SGCZ: variants seen among roughly 807,000 people sequenced by gnomAD.
SGCZ encodes sarcoglycan zeta.
SGCZ carries 40 observed loss-of-function variants against 41.3 expected under a neutral mutation model. The ratio of observed to expected loss-of-function variants is 0.97; its 90% CI spans 0.75 to 1.26. The LOEUF (loss-of-function observed/expected upper bound fraction) is 1.26, where lower values mean the gene tolerates loss of function less well. Ranked by LOEUF, SGCZ falls within the 50% of genes most tolerant of loss-of-function variation. The pLI is 0.00. For synonymous variants in SGCZ, 206 were observed against 137.5 expected (o/e 1.50, Z -3.49); for missense variants, 552 against 369.8 (o/e 1.49, Z -4.04).
chr8:14,419,285 G>C (rs542774148), intron 2 of SGCZ, among the ~76,000 whole-genome samples: 1 of 152,028 alleles, frequency 6.6e-6, no homozygotes, highest in Admixed American at 6.6e-5. Context: ...TGTCCTAACA[G>C]CTAGATAATG....
At chr8:15,078,779 C>T (rs1259767697) in intron 1 of SGCZ, among the ~76,000 whole-genome samples, 2 of 151,900 alleles carry the variant, frequency 1.3e-5, no homozygotes, top group Non-Finnish European at 2.9e-5. Context: ...TGGTCTTTGA[C>T]TTATCTGGAT....
intron 3 of SGCZ, among the ~76,000 whole-genome samples, chr8:14,253,510 C>A (rs965008623): frequency 6.6e-6 from 1 of 151,992 alleles, no homozygotes; most frequent in Non-Finnish European, 1.5e-5. Context: ...ATTCTTTTCT[C>A]TTTTTTGACT....
At chr8:15,015,063 G>A (rs995928376) in intron 1 of SGCZ, among the ~76,000 whole-genome samples, 4 of 151,976 alleles carry the variant, frequency 2.6e-5, no homozygotes, top group East Asian at 2.0e-4. Context: ...CAAACATGGC[G>A]AAACTCCATC....
At chr8:14,415,840 C>T (rs1298869618) in intron 2 of SGCZ, among the ~76,000 whole-genome samples, 2 of 151,920 alleles carry the variant, frequency 1.3e-5, no homozygotes, top group Non-Finnish European at 2.9e-5. Context: ...GCATTGAATA[C>T]ACATAACTTG....
intron 1 of SGCZ, among the ~76,000 whole-genome samples, chr8:14,966,483 G>T (rs1447439001): frequency 6.6e-6 from 1 of 151,920 alleles, no homozygotes; most frequent in East Asian, 1.9e-4. Context: ...AGAGGATTTT[G>T]TGTATTCAAA....
At chr8:15,111,843 T>A (rs1425717928) in intron 1 of SGCZ, among the ~76,000 whole-genome samples, 1 of 150,304 alleles carries the variant, frequency 6.7e-6, no homozygotes, top group Non-Finnish European at 1.5e-5. Context: ...GAGGTAGCAG[T>A]GAGCCGAGAT....
chr8:14,216,883 G>C (rs1348702249), intron 4 of SGCZ, among the ~76,000 whole-genome samples: 1 of 152,162 alleles, frequency 6.6e-6, no homozygotes, highest in Non-Finnish European at 1.5e-5. Context: ...GCAAGGAAAA[G>C]TCTGGGGGTA....
At chr8:14,347,623 TAA>T (rs71722345) in intron 2 of SGCZ, among the ~76,000 whole-genome samples, 19,116 of 149,008 alleles carry the variant, frequency 0.13, 1,725 homozygotes, top group East Asian at 0.27. Context: ...ATTATAATTA[TAA>T]AAAAAAATAC....
intron 2 of SGCZ, among the ~76,000 whole-genome samples, chr8:14,381,991 T>G (rs1804384246): frequency 6.6e-6 from 1 of 152,178 alleles, no homozygotes; most frequent in Admixed American, 6.5e-5. Context: ...ATTTGTTCCA[T>G]GTTTAGCTTT....
intron 2 of SGCZ, among the ~76,000 whole-genome samples, chr8:14,429,763 A>T (rs898831): frequency 6.6e-6 from 1 of 151,464 alleles, no homozygotes; most frequent in Non-Finnish European, 1.5e-5. Context: ...GCATATTTAC[A>T]TTTGTAAACA....
chr8:14,595,987 A>G (rs1362734305), intron 1 of SGCZ, among the ~76,000 whole-genome samples: 2 of 152,228 alleles, frequency 1.3e-5, no homozygotes, highest in Non-Finnish European at 2.9e-5. Flanking sequence ...AAGACACTAC[A>G]GAAACAGGCA....
chr8:14,109,781 G>A (rs145602955), intron 5 of SGCZ, among the ~76,000 whole-genome samples: 90 of 152,224 alleles, frequency 5.9e-4, no homozygotes, highest in South Asian at 1.2e-3. Flanking sequence ...AATAGAACAG[G>A]AAGAGATTTT....
At chr8:14,237,899 C>T (rs1446961482) in intron 3 of SGCZ, among the ~76,000 whole-genome samples, 4 of 152,190 alleles carry the variant, frequency 2.6e-5, no homozygotes, top group Non-Finnish European at 1.5e-5. Context: ...TGGGTACTAA[C>T]TATCAGATGC....
intron 1 of SGCZ, among the ~76,000 whole-genome samples, chr8:14,839,501 T>C (rs1585307945): frequency 6.6e-6 from 1 of 152,200 alleles, no homozygotes; most frequent in African/African-American, 2.4e-5. Flanking sequence ...GAGTTATTAT[T>C]GTTTTTATGT....
At chr8:14,762,334 C>T (rs1430438895) in intron 1 of SGCZ, among the ~76,000 whole-genome samples, 1 of 151,836 alleles carries the variant, frequency 6.6e-6, no homozygotes, top group Non-Finnish European at 1.5e-5. Flanking sequence ...ACAGAAAGGA[C>T]ATAGGATCAC....
chr8:15,231,490 G>C (rs899441338), intron 1 of SGCZ, among the ~76,000 whole-genome samples: 6 of 151,810 alleles, frequency 4.0e-5, no homozygotes, highest in South Asian at 4.2e-4. Context: ...TCATTCTGTG[G>C]TTAGCATAGA....
intron 2 of SGCZ, among the ~76,000 whole-genome samples, chr8:14,400,723 T>C (rs1196099207): frequency 6.6e-6 from 1 of 151,866 alleles, no homozygotes; most frequent in Non-Finnish European, 1.5e-5. Flanking sequence ...AGTCTGTGTT[T>C]TTAAAAGTGC....
intron 1 of SGCZ, among the ~76,000 whole-genome samples, chr8:14,592,004 C>T (rs561108889): frequency 2.0e-5 from 3 of 152,174 alleles, no homozygotes; most frequent in African/African-American, 7.2e-5. Flanking sequence ...CAATTGTCTA[C>T]AAAGGAGCAA....
intron 1 of SGCZ, among the ~76,000 whole-genome samples, chr8:14,662,694 G>T (rs1345345570): frequency 1.3e-5 from 2 of 152,156 alleles, no homozygotes; most frequent in African/African-American, 4.8e-5. Context: ...AATTAAGGTT[G>T]ATAATGAAAT....
Sources: allele counts gnomAD v4.1 joint callset (sites outside exome capture counted in the v4.1 genomes callset), GRCh38; gene constraint gnomAD v4.1.1; transcripts MANE v1.5; gene names NCBI Gene and HGNC (gene_info 2026-07-23, HGNC 2026-07-21).